The following MAP4 variants were observed in gnomAD, a reference collection of about 807,000 sequenced individuals.
MAP4 encodes microtubule-associated protein 4.
In MAP4, 76 loss-of-function variants were observed where a neutral mutation model predicts 170.2. The ratio of observed to expected loss-of-function variants is 0.45; its 90% CI spans 0.37 to 0.54. The LOEUF (loss-of-function observed/expected upper bound fraction) is 0.54, where lower values mean the gene tolerates loss of function less well. MAP4 is among the 20% of genes least tolerant of loss of function. The pLI, the probability that MAP4 is intolerant of heterozygous loss-of-function variation, is 0.00. For synonymous variants in MAP4, 909 were observed against 994.5 expected (o/e 0.91, Z 1.62); for missense variants, 2,506 against 2,748.0 (o/e 0.91, Z 1.97).
intron 1 of MAP4, among the ~76,000 whole-genome samples, chr3:48,088,160 T>C (rs2100150324): frequency 6.6e-6 from 1 of 151,998 alleles, no homozygotes; most frequent in Non-Finnish European, 1.5e-5. Context: ...CCTCTCCTAG[T>C]CCCTGTACCC....
chr3:48,074,461 TA>T (rs2100142618), intron 1 of MAP4, among the ~76,000 whole-genome samples: 3 of 133,006 alleles, frequency 2.3e-5, no homozygotes. Flanking sequence ...AGTATAATAA[TA>T]AAAGAAAAAA....
At chr3:48,056,647 C>A (rs1312255480) in intron 1 of MAP4, among the ~76,000 whole-genome samples, 31 of 123,334 alleles carry the variant, frequency 2.5e-4, no homozygotes, top group African/African-American at 9.9e-4. Context: ...GGCCAGCCGC[C>A]CTGTCTGGGA....
chr3:47,868,929 T>A (rs1283300517), intron 16 of MAP4, among the ~76,000 whole-genome samples: 1 of 152,160 alleles, frequency 6.6e-6, no homozygotes, highest in Admixed American at 6.5e-5. Flanking sequence ...AAGGTCAGTG[T>A]GAAGGAAATG....
Position 47,871,051 on chromosome 3 carries a change from G to A in MAP4, c.6056C>T (p.Thr2019Ile). ...TSTSSMKKTT[T>I]LSGTAPAAGV... ...TGCAGCGGGGGCTGTCCCACTGAGA[G>A]TGGTGGTTTTCTTCATGGAACTGGT... The change falls in exon 15 of 21, where the codon ACT becomes ATT. Residue 2019 changes from threonine to isoleucine, a missense_variant. Transcript: ENST00000683076. 1.2e-6 allele frequency: 2 copies of A among 1,612,724 alleles called. No individual in the cohort carries two copies. Among genetic ancestry groups the A allele is most frequent in the Non-Finnish European group, 1.7e-6 (2 of 1,179,000 alleles).
chr3:47,897,248 TC>T (rs1219543542), intron 10 of MAP4, among the ~76,000 whole-genome samples: 2 of 152,112 alleles, frequency 1.3e-5, no homozygotes, highest in Admixed American at 6.5e-5. Context: ...TGCCTCAGCT[TC>T]CGGAGTAGCT....
At chr3:47,905,432 T>C (rs2100032386) in intron 9 of MAP4, among the ~76,000 whole-genome samples, 1 of 151,452 alleles carries the variant, frequency 6.6e-6, no homozygotes, top group African/African-American at 2.4e-5. Flanking sequence ...AAATTTAGGG[T>C]ATGACAAAGG....
intron 1 of MAP4, among the ~76,000 whole-genome samples, chr3:48,083,299 G>T (rs530340231): frequency 6.6e-6 from 1 of 152,186 alleles, no homozygotes; most frequent in Admixed American, 6.5e-5. Context: ...CAACTCTTCT[G>T]TAAACCTGAA....
At chr3:47,897,375 A>G (rs1020226021) in intron 10 of MAP4, among the ~76,000 whole-genome samples, 1 of 151,940 alleles carries the variant, frequency 6.6e-6, no homozygotes, top group Non-Finnish European at 1.5e-5. Flanking sequence ...GATCTGCCCA[A>G]CTCGGCCTCC....
chr3:48,065,306 C>T (rs1174744180), intron 1 of MAP4, among the ~76,000 whole-genome samples: 3 of 152,192 alleles, frequency 2.0e-5, no homozygotes, highest in Non-Finnish European at 4.4e-5. Context: ...TGTAGACCAA[C>T]AGGATTAGCA....
intron 2 of MAP4, 30 bp downstream of exon 2, chr3:47,998,608 A>G (rs2154372346): frequency 1.3e-6 from 2 of 1,534,710 alleles, no homozygotes; most frequent in Non-Finnish European, 1.8e-6. Flanking sequence ...CTTTCTGAAC[A>G]TATATAAGCA....
intron 3 of MAP4, among the ~76,000 whole-genome samples, chr3:47,940,582 T>C (rs2100055641): frequency 6.6e-6 from 1 of 152,208 alleles, no homozygotes; most frequent in Non-Finnish European, 1.5e-5. Context: ...TCTATCTCTG[T>C]GAAATTGAAG....
chr3:48,072,092 G>A (rs1411225973), intron 1 of MAP4, among the ~76,000 whole-genome samples: 1 of 151,774 alleles, frequency 6.6e-6, no homozygotes, highest in Non-Finnish European at 1.5e-5. Flanking sequence ...CCAGCTACTC[G>A]GGAGGCTGAT....
chr3:48,045,984 C>CTTTTTT (rs59624917), intron 1 of MAP4, among the ~76,000 whole-genome samples: 2 of 130,848 alleles, frequency 1.5e-5, no homozygotes, highest in African/African-American at 5.6e-5. Flanking sequence ...TGCATCACTT[C>CTTTTTT]TTTTTTTTTT....
intron 1 of MAP4, among the ~76,000 whole-genome samples, chr3:48,084,630 T>A (rs952990698): frequency 6.6e-6 from 1 of 151,160 alleles, no homozygotes; most frequent in Non-Finnish European, 1.5e-5. Context: ...AAGGCTGAAG[T>A]GCAGTGGCAC....
intron 9 of MAP4, among the ~76,000 whole-genome samples, chr3:47,908,388 C>T (rs925286469): frequency 2.6e-5 from 4 of 152,120 alleles, no homozygotes; most frequent in Non-Finnish European, 4.4e-5. Flanking sequence ...AAAACTCAAA[C>T]CCACATGGAA....
chr3:47,885,099 GTT>G (rs1223770772), intron 10 of MAP4, among the ~76,000 whole-genome samples: 1 of 151,798 alleles, frequency 6.6e-6, no homozygotes. Flanking sequence ...TTTCTTTCTT[GTT>G]TTTTTGGCAA....
chr3:48,069,938 C>T (rs2100140158), intron 1 of MAP4, among the ~76,000 whole-genome samples: 1 of 152,012 alleles, frequency 6.6e-6, no homozygotes, highest in Non-Finnish European at 1.5e-5. Context: ...GTGAGATTAT[C>T]CCTTTTTTTA....
intron 1 of MAP4, among the ~76,000 whole-genome samples, chr3:48,064,209 C>T (rs2100137298): frequency 2.0e-5 from 3 of 152,150 alleles, no homozygotes; most frequent in African/African-American, 7.2e-5. Flanking sequence ...TTCTAAACCT[C>T]CCTAAATTAC....
intron 1 of MAP4, among the ~76,000 whole-genome samples, chr3:48,077,356 G>T (rs771767264): frequency 6.6e-6 from 1 of 150,622 alleles, no homozygotes; most frequent in Non-Finnish European, 1.5e-5. Context: ...CAGGAGAATC[G>T]AATCACTTGA....
Sources: allele counts gnomAD v4.1 joint callset (sites outside exome capture counted in the v4.1 genomes callset), GRCh38; gene constraint gnomAD v4.1.1; transcripts MANE v1.5; gene names NCBI Gene and HGNC (gene_info 2026-07-23, HGNC 2026-07-21).